The following DFFA variants were observed in gnomAD, a reference collection of about 807,000 sequenced individuals.
The protein encoded by DFFA is DFF45.
Under a neutral mutation model 28.0 loss-of-function variants are expected in DFFA, and 14 were observed. That is an observed-to-expected ratio of 0.50 (90% CI 0.33 to 0.78). The LOEUF is 0.78. Ranked by LOEUF, DFFA falls within the 30% of genes least tolerant of loss-of-function variation. The pLI, the probability that DFFA is intolerant of heterozygous loss-of-function variation, is 0.02. For missense variants in DFFA, 395 were observed against 407.1 expected (o/e 0.97, Z 0.26); for synonymous variants, 158 against 170.3 (o/e 0.93, Z 0.56).
At chr1:10,469,981 A>C (rs913596126) in intron 1 of DFFA, among the ~76,000 whole-genome samples, 1 of 151,036 alleles carries the variant, frequency 6.6e-6, no homozygotes, top group East Asian at 1.9e-4. Flanking sequence ...GTGCCTGGCT[A>C]ATTTTTGTAT....
At chr1:10,464,212 C>T (rs1043683411) in intron 3 of DFFA, among the ~76,000 whole-genome samples, 26 of 152,144 alleles carry the variant, frequency 1.7e-4, no homozygotes, top group African/African-American at 6.0e-4. Flanking sequence ...CCTGCCTCAG[C>T]CTCCTGAGCA....
At chr1:10,465,168 C>T (rs1000727297) in intron 3 of DFFA, among the ~76,000 whole-genome samples, 1 of 152,176 alleles carries the variant, frequency 6.6e-6, no homozygotes, top group African/African-American at 2.4e-5. Flanking sequence ...GATCTCGGCT[C>T]ACCGCAACCT....
chr1:10,471,018 G>C (rs1467208635), intron 1 of DFFA, among the ~76,000 whole-genome samples: 2 of 142,978 alleles, frequency 1.4e-5, no homozygotes, highest in East Asian at 4.2e-4. Flanking sequence ...AGCCGAGATA[G>C]CGCCACTGCA....
chr1:10,469,004 C>CG (rs1641057665), intron 2 of DFFA, among the ~76,000 whole-genome samples, 173 bp downstream of exon 2: 1 of 152,106 alleles, frequency 6.6e-6, no homozygotes, highest in African/African-American at 2.4e-5. Context: ...TGGCCTCATT[C>CG]ATCTTTATCC....
At chr1:10,467,564 G>T (rs1250284104) in intron 2 of DFFA, among the ~76,000 whole-genome samples, 1 of 150,934 alleles carries the variant, frequency 6.6e-6, no homozygotes, top group Non-Finnish European at 1.5e-5. Context: ...AGGCTGGAGT[G>T]CAGTGGCACG....
At chr1:10,469,583 C>T (rs543785119) in intron 1 of DFFA, among the ~76,000 whole-genome samples, 4 of 152,158 alleles carry the variant, frequency 2.6e-5, no homozygotes, top group Admixed American at 1.3e-4. Context: ...TGCACTGGCG[C>T]GATCTCGGCT....
intron 5 of DFFA, 31 bp from the exon 6 acceptor site, chr1:10,461,733 G>A (rs1168173331): frequency 1.2e-6 from 2 of 1,610,866 alleles, no homozygotes; most frequent in Non-Finnish European, 1.7e-6. Flanking sequence ...CCTGAGAACT[G>A]GGCCTTCTGT....
intron 5 of DFFA, among the ~76,000 whole-genome samples, chr1:10,462,048 C>G (rs557239129): frequency 6.6e-6 from 1 of 152,136 alleles, no homozygotes; most frequent in Non-Finnish European, 1.5e-5. Context: ...TTAGTAGAGA[C>G]GGGGTTTCAC....
In DFFA at chr1:10,458,626, C is replaced by T. The variant is rs1640889657; in HGVS notation, c.*2864G>A. On this transcript the variant is annotated 3_prime_UTR_variant, in exon 6 of 6. Coordinates refer to ENST00000377038, the MANE Select transcript of DFFA (RefSeq NM_004401.3). ...GGATCTCAGCTCAGTGCAATCTCCA[C>T]CTCCTGGGTTCAAGCGATTCTCATG... 1.3e-5 allele frequency: 2 copies of T among 151,610 alleles called. No individual in the cohort carries two copies. The highest frequency in any genetic ancestry group is 4.2e-4 in the South Asian group (2 of 4,806). The allele number at this position is 151,610 out of a possible 1,614,324, so 9.4% of individuals were successfully genotyped here. A position where few individuals can be genotyped will look rare whatever the true frequency, so the allele number is the denominator to read the frequency against.
In DFFA at chr1:10,463,138, C is replaced by T. The variant is rs200082967; in HGVS notation, c.703G>A (p.Val235Ile). Residue 235 changes from valine (V) to isoleucine (I), a missense_variant, in exon 5 of 6, where the codon GTT (valine) becomes ATT (isoleucine). Transcript: ENST00000377038. ...TGISRETSSD[V>I]ALASHILTAL... is the part of the protein sequence containing the mutation. The stretch of plus-strand genomic sequence containing the variant: ...GTAAGGATGTGGCTCGCCAGCGCAA[C>T]GTCCGAGGAGGTCTCTCTGCTGATA... 2.0e-5 allele frequency: 33 copies of T among 1,614,022 alleles called. No individual in the cohort carries two copies. The highest frequency in any genetic ancestry group is 5.0e-5 in the Admixed American group (3 of 59,984).
Position 10,461,322 on chromosome 1 carries a change from TA to T in DFFA, c.*167del, listed in dbSNP as rs967483860. The T allele has an allele frequency of 0.016, 15,306 of 969,930 alleles. 4 individuals are homozygous for T. The highest frequency in any genetic ancestry group is 0.023 in the South Asian group (1,048 of 46,540). The allele number at this position is 969,930 out of a possible 1,614,324, so 60.1% of individuals were successfully genotyped here. A position where few individuals can be genotyped will look rare whatever the true frequency, so the allele number is the denominator to read the frequency against. On this transcript the variant is annotated 3_prime_UTR_variant, in exon 6 of 6. Transcript: ENST00000377038. ...GCAGAAGTCCTGAAGCTGGTGGGGC[TA>T]AAAAAAAAATTGGTGGAACGGCGTA...
intron 1 of DFFA, among the ~76,000 whole-genome samples, chr1:10,471,836 TTCCGTCGGC>T (rs1168864256): frequency 1.3e-5 from 2 of 152,300 alleles, no homozygotes; most frequent in Middle Eastern, 3.4e-3. Flanking sequence ...GGCTCGGAAC[TTCCGTCGGC>T]TCCGTCACTT....
In DFFA at chr1:10,458,925, T is replaced by TCACCTC. The variant is rs1011395625; in HGVS notation, c.*2559_*2564dup. ...TGGAGTACAGTGGCACAATTTCGGC[T>TCACCTC]CACCTCCACCTCCACTTCCTGGGTT... On this transcript the variant is annotated 3_prime_UTR_variant, in exon 6 of 6. Transcript: ENST00000377038. 6.6e-5 allele frequency: 10 copies of TCACCTC among 151,844 alleles called. No individual in the cohort carries two copies. Among genetic ancestry groups the TCACCTC allele is most frequent in the African/African-American group, 2.4e-4 (10 of 41,366 alleles). 9.4% of individuals were successfully genotyped at this position (151,844 alleles called of 1,614,324 possible). A position where few individuals can be genotyped will look rare whatever the true frequency, so the allele number is the denominator to read the frequency against.
In DFFA at chr1:10,458,504, ACCC is replaced by A. The variant is rs910774832; in HGVS notation, c.*2983_*2985del. 7.1e-6 allele frequency: 1 copy of A among 139,994 alleles called. No individual in the cohort carries two copies. The highest frequency in any genetic ancestry group is 2.6e-5 in the African/African-American group (1 of 38,064). 8.7% of individuals were successfully genotyped at this position (139,994 alleles called of 1,614,324 possible). A position where few individuals can be genotyped will look rare whatever the true frequency, so the allele number is the denominator to read the frequency against. ...TTTGTTCTATTTAATTGTTTTCTGTACCCCCATCTTTACCCTAGGACTTATTGT... is the reference window on the plus strand; with the variant it reads ...TTTGTTCTATTTAATTGTTTTCTGTACCATCTTTACCCTAGGACTTATTGT... On this transcript the variant is annotated 3_prime_UTR_variant, in exon 6 of 6. Transcript: ENST00000377038.
rs1027303559 is a variant in DFFA, at chr1:10,458,043, C to T, written c.*3447G>A. The T allele has an allele frequency of 6.6e-6, 1 of 152,042 alleles. No homozygotes were observed. The highest frequency in any genetic ancestry group is 1.5e-5 in the Non-Finnish European group (1 of 67,998). 9.4% of individuals were successfully genotyped at this position (152,042 alleles called of 1,614,324 possible). On this transcript the variant is annotated 3_prime_UTR_variant, in exon 6 of 6. Transcript: ENST00000377038. ...TGAGTTTTAATGTACCCTGGATTTC[C>T]TAGGAATGTAGCTACTCTGTAAATC...
At chr1:10,468,741 A>AT (rs112127951) in intron 2 of DFFA, among the ~76,000 whole-genome samples, 11,738 of 137,774 alleles carry the variant, frequency 0.085, 1,068 homozygotes, top group African/African-American at 0.23. Context: ...TCATTCATCT[A>AT]TTTTTTTTTT....
At chr1:10,470,715 G>C (rs534552652) in intron 1 of DFFA, among the ~76,000 whole-genome samples, 1 of 147,968 alleles carries the variant, frequency 6.8e-6, no homozygotes, top group Non-Finnish European at 1.5e-5. Flanking sequence ...GTGAGCCACC[G>C]GACCCGGCCC....
Position 10,461,352 on chromosome 1 carries a change from TGAGACCTGG to T in DFFA, c.*129_*137del. The T allele has an allele frequency of 7.1e-7, 1 of 1,414,748 alleles. No individual in the cohort carries two copies. The highest frequency in any genetic ancestry group is 1.5e-5 in the South Asian group (1 of 66,518). The allele number at this position is 1,414,748 out of a possible 1,614,324, so 87.6% of individuals were successfully genotyped here. On this transcript the variant is annotated 3_prime_UTR_variant, in exon 6 of 6. Coordinates refer to ENST00000377038, the MANE Select transcript of DFFA (RefSeq NM_004401.3). ...AAAAAATTGGTGGAACGGCGTATGT[TGAGACCTGG>T]AATAGCTTCTCTGGAAGGTGCTCTA...
chr1:10,466,847 G>A (rs1027032175), intron 3 of DFFA, among the ~76,000 whole-genome samples: 1 of 151,056 alleles, frequency 6.6e-6, no homozygotes, highest in Non-Finnish European at 1.5e-5. Flanking sequence ...CAGCTACCTG[G>A]GACGCTGAGA....
Sources: gnomAD v4.1 joint callset for allele counts (sites outside exome capture counted in the v4.1 genomes callset) on GRCh38, gnomAD v4.1.1 for gene constraint, MANE v1.5 for transcripts, NCBI Gene and HGNC (gene_info 2026-07-23, HGNC 2026-07-21) for gene names.